Variants in CACNA1D observed in about 807,000 individuals in gnomAD.
CACNA1D encodes the protein voltage-dependent L-type calcium channel subunit alpha-1D.
CACNA1D carries 55 observed loss-of-function variants against 257.1 expected under a neutral mutation model. That is an observed-to-expected ratio of 0.21 (90% CI 0.17 to 0.27). The LOEUF is 0.27. Ranked by LOEUF, CACNA1D falls within the 10% of genes least tolerant of loss-of-function variation. The pLI, the probability that CACNA1D is intolerant of heterozygous loss-of-function variation, is 1.00. For synonymous variants in CACNA1D, 980 were observed against 1,014.9 expected (o/e 0.97, Z 0.65); for missense variants, 1,876 against 2,784.0 (o/e 0.67, Z 7.34).
intron 5 of CACNA1D, among the ~76,000 whole-genome samples, chr3:53,665,215 A>G (rs2094249747): frequency 6.6e-6 from 1 of 152,118 alleles, no homozygotes; most frequent in African/African-American, 2.4e-5. Context: ...TATAGCATCT[A>G]TGTGCTACCC....
chr3:53,552,612 C>T (rs1170184357), intron 3 of CACNA1D, among the ~76,000 whole-genome samples: 2 of 152,190 alleles, frequency 1.3e-5, no homozygotes, highest in Non-Finnish European at 2.9e-5. Flanking sequence ...AACTCCTGAC[C>T]TCAAGTGATC....
chr3:53,658,702 G>A (rs1274670421), intron 4 of CACNA1D, among the ~76,000 whole-genome samples: 1 of 152,090 alleles, frequency 6.6e-6, no homozygotes, highest in African/African-American at 2.4e-5. Flanking sequence ...TTTCACTTTA[G>A]CCTTGCTGCA....
intron 2 of CACNA1D, among the ~76,000 whole-genome samples, chr3:53,500,253 T>TTAA (rs753287714): frequency 1.2e-4 from 5 of 40,932 alleles, no homozygotes; most frequent in African/African-American, 2.0e-4. Context: ...CTGTCTCTAC[T>TTAA]AAAAAAAAAA....
intron 21 of CACNA1D, 102 bp from the exon 22 acceptor site, chr3:53,742,909 C>A: frequency 1.2e-6 from 1 of 805,868 alleles, no homozygotes; most frequent in Non-Finnish European, 2.2e-6. Context: ...TTAATGCACA[C>A]TTGTTAATGA....
At chr3:53,523,809 T>C (rs1352954044) in intron 3 of CACNA1D, among the ~76,000 whole-genome samples, 3 of 152,208 alleles carry the variant, frequency 2.0e-5, no homozygotes, top group African/African-American at 7.2e-5. Context: ...CTAGAATCTA[T>C]TTTTTGCAGG....
chr3:53,809,552 T>C (rs961987373), intron 46 of CACNA1D: 2 of 272,782 alleles, frequency 7.3e-6, no homozygotes, highest in Non-Finnish European at 1.4e-5. Context: ...GGCTCTAGGA[T>C]GCATTACTCC....
rs1362121210 is a variant in CACNA1D at position 53,811,034 on chromosome 3, G to C, written c.6193-79G>C. The C allele has an allele frequency of 9.4e-7, 1 of 1,067,176 alleles. No homozygotes were observed. Among genetic ancestry groups the C allele is most frequent in the East Asian group, 2.4e-5 (1 of 42,448 alleles). The allele number at this position is 1,067,176 out of a possible 1,614,324, so 66.1% of individuals were successfully genotyped here. A position where few individuals can be genotyped will look rare whatever the true frequency, so the allele number is the denominator to read the frequency against. ...ACACGGTGCAGTTAAGTTAGCACTG[G>C]AGTTGATTTTTCTGTCGTCCCCCTG... On this transcript the variant is annotated intron_variant, in intron 47 of 47. Transcript: ENST00000350061. The surrounding 1 kb of genome is among the most constrained non-coding windows in gnomAD (Gnocchi z 4.2).
At chr3:53,747,262 T>A in intron 25 of CACNA1D, 40 bp from the exon 26 acceptor site, 1 of 1,588,942 alleles carries the variant, frequency 6.3e-7, no homozygotes, top group Non-Finnish European at 8.6e-7. Flanking sequence ...CCACCTGTCA[T>A]GTGTGAAGCC....
Position 53,515,237 on chromosome 3 carries a change from G to A in CACNA1D, c.483+13517G>A, listed in dbSNP as rs115070243. On this transcript the variant is annotated intron_variant, in intron 3 of 47. Coordinates refer to ENST00000350061, the MANE Select transcript of CACNA1D (RefSeq NM_001128840.3). ...TCAGCCGACTTGAAATCCACCAGGTGTCTCTTGTTCTCTGCTTGGCCCAGG... is the reference window on the plus strand; with the variant it reads ...TCAGCCGACTTGAAATCCACCAGGTATCTCTTGTTCTCTGCTTGGCCCAGG... 1.3e-3 allele frequency among the ~76,000 whole-genome samples: 201 copies of A among 152,234 alleles called. 1 individual carries two copies. The highest frequency in any genetic ancestry group is 4.8e-3 in the African/African-American group (198 of 41,536).
intron 3 of CACNA1D, among the ~76,000 whole-genome samples, chr3:53,604,487 G>A (rs1363764379): frequency 2.0e-5 from 3 of 152,130 alleles, no homozygotes; most frequent in Admixed American, 6.5e-5. Context: ...AGGGCTTTTT[G>A]AAGAAGGCAT....
At chr3:53,740,224 A>T in intron 20 of CACNA1D, 56 bp from the exon 21 acceptor site, 1 of 1,204,392 alleles carries the variant, frequency 8.3e-7, no homozygotes, top group Non-Finnish European at 1.2e-6. Flanking sequence ...GTAAGCATGC[A>T]GATGTCAGAG....
chr3:53,787,425 C>CTGTGTGTGTGTGTGTGTGTGTG (rs3217446), intron 40 of CACNA1D, among the ~76,000 whole-genome samples: 91 of 136,232 alleles, frequency 6.7e-4, no homozygotes, highest in African/African-American at 2.1e-3. Context: ...AGTATGTATT[C>CTGTGTGTGTGTGTGTGTGTGTG]TGTGTGTGTG....
At chr3:53,552,147 T>C (rs1402580746) in intron 3 of CACNA1D, among the ~76,000 whole-genome samples, 1 of 152,186 alleles carries the variant, frequency 6.6e-6, no homozygotes, top group Non-Finnish European at 1.5e-5. Flanking sequence ...TCTCTGCCAC[T>C]GTCTCCCAGT....
At chr3:53,730,374 C>T (rs2094978139) in intron 15 of CACNA1D, 68 bp from the exon 16 acceptor site, 4 of 1,006,694 alleles carry the variant, frequency 4.0e-6, no homozygotes, top group East Asian at 2.4e-5. Flanking sequence ...AGGTGTGTGG[C>T]GTTGCCATTG....
At chr3:53,556,166 G>C (rs781126572) in intron 3 of CACNA1D, among the ~76,000 whole-genome samples, 17 of 152,176 alleles carry the variant, frequency 1.1e-4, no homozygotes, top group South Asian at 2.1e-4. Flanking sequence ...ATATAGTACA[G>C]TTTATCCATT....
At chr3:53,664,462 A>C (rs1311789408) in intron 5 of CACNA1D, among the ~76,000 whole-genome samples, 2 of 152,202 alleles carry the variant, frequency 1.3e-5, no homozygotes, top group Non-Finnish European at 2.9e-5. Flanking sequence ...CTAGTGATCT[A>C]AAGTTTGGCT....
At chr3:53,575,751 G>C (rs538313364) in intron 3 of CACNA1D, among the ~76,000 whole-genome samples, 1 of 152,196 alleles carries the variant, frequency 6.6e-6, no homozygotes, top group South Asian at 2.1e-4. Context: ...AGTCGTGTCC[G>C]TTTAAAAAAA....
Position 53,811,057 on chromosome 3 carries a change from CT to C in CACNA1D, c.6193-55del, listed in dbSNP as rs2095598255. On this transcript the variant is annotated intron_variant, in intron 47 of 47. Transcript: ENST00000350061. This position sits in a 1 kb window ranked among gnomAD's most constrained non-coding sequence, Gnocchi z 4.2. ...TGGAGTTGATTTTTCTGTCGTCCCC[CT>C]GCCCTGCAAAGCCTTATAACACCCC... The C allele has an allele frequency of 7.1e-7, 1 of 1,410,370 alleles. No individual in the cohort carries two copies. Among genetic ancestry groups the C allele is most frequent in the Non-Finnish European group, 1.0e-6 (1 of 994,724 alleles). 87.4% of individuals were successfully genotyped at this position (1,410,370 alleles called of 1,614,324 possible). A position where few individuals can be genotyped will look rare whatever the true frequency, so the allele number is the denominator to read the frequency against.
intron 3 of CACNA1D, among the ~76,000 whole-genome samples, chr3:53,588,968 G>A (rs1380781208): frequency 1.3e-5 from 2 of 152,096 alleles, no homozygotes; most frequent in Admixed American, 1.3e-4. Flanking sequence ...TGGCCACACC[G>A]TGCTCGTCTT....
Sources: gnomAD v4.1 joint callset for allele counts (sites outside exome capture counted in the v4.1 genomes callset) on GRCh38, gnomAD v4.1.1 for gene constraint, Gnocchi (gnomAD v3.1) non-coding constraint, MANE v1.5 for transcripts, NCBI Gene and HGNC (gene_info 2026-07-23, HGNC 2026-07-21) for gene names.